EXOC4: variants seen among roughly 807,000 people sequenced by gnomAD.
EXOC4 encodes the protein exocyst complex component 4.
A neutral mutation model predicts 107.2 loss-of-function variants in EXOC4; 71 were observed. That is an observed-to-expected ratio of 0.66 (90% confidence interval 0.55 to 0.81). The LOEUF (loss-of-function observed/expected upper bound fraction) is 0.81, where lower values mean the gene tolerates loss of function less well. EXOC4 is among the 30% of genes least tolerant of loss of function. EXOC4 has a pLI of 0.00. For missense variants in EXOC4, 1,108 were observed against 1,189.6 expected (o/e 0.93, Z 1.01); for synonymous variants, 456 against 441.2 (o/e 1.03, Z -0.42).
intron 10 of EXOC4, among the ~76,000 whole-genome samples, chr7:133,783,413 G>T (rs1437736206): frequency 6.6e-6 from 1 of 152,190 alleles, no homozygotes; most frequent in African/African-American, 2.4e-5. Flanking sequence ...TGCTATGTGT[G>T]ACATCATGAT....
intron 11 of EXOC4, among the ~76,000 whole-genome samples, chr7:133,860,001 T>G (rs1798499621): frequency 6.6e-6 from 1 of 152,202 alleles, no homozygotes; most frequent in African/African-American, 2.4e-5. Context: ...ACATCTGGAA[T>G]GTTTGTTTCT....
At chr7:133,604,078 A>G (rs1475585439) in intron 9 of EXOC4, among the ~76,000 whole-genome samples, 1 of 151,950 alleles carries the variant, frequency 6.6e-6, no homozygotes, top group East Asian at 1.9e-4. Context: ...CCAGGCCTAC[A>G]CAGGGTCAGG....
chr7:133,989,756 A>G (rs1225690966), intron 14 of EXOC4, among the ~76,000 whole-genome samples: 1 of 152,188 alleles, frequency 6.6e-6, no homozygotes, highest in Non-Finnish European at 1.5e-5. Flanking sequence ...TGAAGAGTTA[A>G]TAGGAGGTGG....
intron 7 of EXOC4, among the ~76,000 whole-genome samples, chr7:133,387,270 G>A (rs1796749296): frequency 6.6e-6 from 1 of 152,172 alleles, no homozygotes; most frequent in African/African-American, 2.4e-5. Context: ...TGAAAGATAT[G>A]TCATGTTTAG....
At chr7:133,322,051 C>G (rs2150588193) in intron 5 of EXOC4, among the ~76,000 whole-genome samples, 2 of 152,284 alleles carry the variant, frequency 1.3e-5, no homozygotes, top group Middle Eastern at 6.8e-3. Flanking sequence ...CCTTCACCCA[C>G]TTTTTGATGG....
chr7:133,832,397 A>G (rs1448359167), intron 11 of EXOC4, among the ~76,000 whole-genome samples: 1 of 152,234 alleles, frequency 6.6e-6, no homozygotes, highest in Admixed American at 6.5e-5. Flanking sequence ...TGTGTCTACC[A>G]TGATGATATC....
At chr7:133,493,310 G>A (rs1799411834) in intron 9 of EXOC4, among the ~76,000 whole-genome samples, 1 of 152,202 alleles carries the variant, frequency 6.6e-6, no homozygotes, top group African/African-American at 2.4e-5. Flanking sequence ...GGTGGCACAC[G>A]CCTCTAGTCC....
chr7:133,266,741 A>G (rs1793738257), intron 1 of EXOC4, among the ~76,000 whole-genome samples: 1 of 152,200 alleles, frequency 6.6e-6, no homozygotes, highest in Admixed American at 6.5e-5. Flanking sequence ...CTTACAAGAA[A>G]TGGCCATGTA....
At chr7:133,530,899 A>G (rs1800170085) in intron 9 of EXOC4, among the ~76,000 whole-genome samples, 1 of 152,160 alleles carries the variant, frequency 6.6e-6, no homozygotes, top group Non-Finnish European at 1.5e-5. Context: ...GTGATGTCAT[A>G]TGGTTTGGCA....
intron 14 of EXOC4, among the ~76,000 whole-genome samples, chr7:133,946,632 G>A (rs528225498): frequency 6.6e-5 from 10 of 152,166 alleles, no homozygotes; most frequent in Non-Finnish European, 1.5e-4. Context: ...TGTGCTTAGC[G>A]TGTTCACCTG....
At chr7:133,868,031 AAATAAATTAT>A (rs1178995402) in intron 11 of EXOC4, among the ~76,000 whole-genome samples, 9 of 152,256 alleles carry the variant, frequency 5.9e-5, no homozygotes, top group African/African-American at 2.2e-4. Flanking sequence ...TTTCTTCTGT[AAATAAATTAT>A]AATACTTTAA....
chr7:133,408,390 G>C (rs1420248970), intron 7 of EXOC4, among the ~76,000 whole-genome samples: 1 of 151,196 alleles, frequency 6.6e-6, no homozygotes, highest in Non-Finnish European at 1.5e-5. Flanking sequence ...ATGATGGAGA[G>C]ATTGGTAGTG....
intron 9 of EXOC4, among the ~76,000 whole-genome samples, chr7:133,542,980 AC>A (rs1292183379): frequency 6.6e-6 from 1 of 152,160 alleles, no homozygotes; most frequent in South Asian, 2.1e-4. Context: ...CCTGAAGACG[AC>A]CATAGCTATC....
intron 12 of EXOC4, among the ~76,000 whole-genome samples, chr7:133,912,717 C>T (rs1169684737): frequency 1.3e-5 from 2 of 152,096 alleles, no homozygotes; most frequent in East Asian, 3.9e-4. Context: ...CGACTCTGTC[C>T]TCATAGAACT....
At chr7:133,837,890 A>T (rs575265459) in intron 11 of EXOC4, among the ~76,000 whole-genome samples, 1 of 152,234 alleles carries the variant, frequency 6.6e-6, no homozygotes, top group Non-Finnish European at 1.5e-5. Flanking sequence ...ATGTAAATAC[A>T]GTAGAGCAGG....
chr7:133,839,839 G>A (rs1262595534), intron 11 of EXOC4, among the ~76,000 whole-genome samples: 1 of 152,128 alleles, frequency 6.6e-6, no homozygotes, highest in African/African-American at 2.4e-5. Context: ...CACTTATTTA[G>A]CCAACATGTA....
chr7:133,845,375 A>G (rs911891573), intron 11 of EXOC4, among the ~76,000 whole-genome samples: 8 of 142,456 alleles, frequency 5.6e-5, no homozygotes, highest in Non-Finnish European at 1.2e-4. Context: ...TGTGTAAAAT[A>G]CAATATTATA....
At chr7:133,325,194 C>A (rs1795209296) in intron 5 of EXOC4, among the ~76,000 whole-genome samples, 3 of 152,172 alleles carry the variant, frequency 2.0e-5, no homozygotes, top group Admixed American at 2.0e-4. Flanking sequence ...TTCATTGGAG[C>A]ATTTAGCCCA....
chr7:133,598,328 G>A (rs1801729738), intron 9 of EXOC4, among the ~76,000 whole-genome samples: 1 of 152,134 alleles, frequency 6.6e-6, no homozygotes, highest in Non-Finnish European at 1.5e-5. Flanking sequence ...CTTAGTATTT[G>A]GACTTTGTTT....
Sources: allele counts gnomAD v4.1 joint callset (sites outside exome capture counted in the v4.1 genomes callset), GRCh38; gene constraint gnomAD v4.1.1; transcripts MANE v1.5; gene names NCBI Gene and HGNC (gene_info 2026-07-23, HGNC 2026-07-21).